Variants in IL6R observed in about 807,000 individuals in gnomAD.
IL6R encodes interleukin 6 receptor.
IL6R carries 38 observed loss-of-function variants against 48.3 expected under a neutral mutation model. The ratio of observed to expected loss-of-function variants is 0.79; its 90% CI spans 0.61 to 1.03. The LOEUF (loss-of-function observed/expected upper bound fraction) is 1.03. Among genes scored for constraint, IL6R ranks in the 50% least tolerant of loss-of-function variants. The probability of loss-of-function intolerance (pLI) is 0.00; values close to 1 mark genes in which losing one functional copy is unlikely to be tolerated. For synonymous variants in IL6R, 264 were observed against 256.2 expected (o/e 1.03, Z -0.29); for missense variants, 534 against 618.3 (o/e 0.86, Z 1.45).
intron 1 of IL6R, among the ~76,000 whole-genome samples, chr1:154,420,767 C>T (rs1456434864): frequency 6.6e-6 from 1 of 151,924 alleles, no homozygotes; most frequent in African/African-American, 2.4e-5. Flanking sequence ...AACTCCTGAC[C>T]TCAAGTGATC....
intron 1 of IL6R, among the ~76,000 whole-genome samples, chr1:154,423,260 A>AATAAATATATATATATATATATATAT (rs1688782125): frequency 1.2e-5 from 1 of 85,474 alleles, no homozygotes; most frequent in Non-Finnish European, 2.6e-5. Flanking sequence ...TGTTTAATTA[A>AATAAATATATATATATATATATATAT]ATATATATAT....
chr1:154,413,576 C>T (rs766383356), intron 1 of IL6R, among the ~76,000 whole-genome samples: 1 of 152,194 alleles, frequency 6.6e-6, no homozygotes, highest in Non-Finnish European at 1.5e-5. Flanking sequence ...TCTACACAGA[C>T]AATGGCGTCT....
intron 1 of IL6R, among the ~76,000 whole-genome samples, chr1:154,406,919 A>G (rs1687757187): frequency 6.6e-6 from 1 of 152,208 alleles, no homozygotes. Context: ...CACTGTATCT[A>G]CATATAACTT....
rs746299332 is a variant in IL6R at position 154,454,558 on chromosome 1, C to G, written c.1137C>G (p.Leu379=). Reference sequence around the variant, plus strand: ...GAGGGAGCCTGGCCTTCGGAACGCTCCTCTGCATTGCCATTGTTCTGAGGT... The same window carrying G: ...GAGGGAGCCTGGCCTTCGGAACGCTGCTCTGCATTGCCATTGTTCTGAGGT... ...VAGGSLAFGT[L]LCIAIVLRFK... Residue 379 remains leucine (L), a synonymous_variant, in exon 9 of 10, where the codon CTC becomes CTG. Coordinates refer to ENST00000368485, the MANE Select transcript of IL6R (RefSeq NM_000565.4). 1 of 1,613,330 alleles carries G rather than the reference C, an allele frequency of 6.2e-7. No homozygotes were observed. The highest frequency in any genetic ancestry group is 8.5e-7 in the Non-Finnish European group (1 of 1,179,262).
intron 6 of IL6R, 41 bp from the exon 7 acceptor site, chr1:154,448,084 G>A (rs759054403): frequency 6.4e-7 from 1 of 1,556,086 alleles, no homozygotes; most frequent in South Asian, 1.1e-5. Flanking sequence ...GGACTCCAGG[G>A]CCCATGAATC....
At chr1:154,462,374 C>CTT (rs34351697) in intron 9 of IL6R, among the ~76,000 whole-genome samples, 2,586 of 137,134 alleles carry the variant, frequency 0.019, 67 homozygotes, top group African/African-American at 0.053. Context: ...AAATCTCAGA[C>CTT]TTTTTTTTTT....
intron 1 of IL6R, among the ~76,000 whole-genome samples, chr1:154,411,076 G>A (rs1481260049): frequency 1.3e-5 from 2 of 152,122 alleles, no homozygotes; most frequent in Non-Finnish European, 2.9e-5. Flanking sequence ...TTTCGTTTTT[G>A]TTTTGAGACA....
At chr1:154,460,989 CG>C (rs1192113619) in intron 9 of IL6R, among the ~76,000 whole-genome samples, 2 of 152,050 alleles carry the variant, frequency 1.3e-5, no homozygotes, top group Non-Finnish European at 2.9e-5. Flanking sequence ...GCATACAAGA[CG>C]AGGAGGCAGG....
At chr1:154,434,250 G>C (rs532929169) in intron 3 of IL6R, among the ~76,000 whole-genome samples, 1 of 152,188 alleles carries the variant, frequency 6.6e-6, no homozygotes, top group African/African-American at 2.4e-5. Flanking sequence ...GGCGGAGGTT[G>C]CAGTGAGCCG....
In IL6R at chr1:154,405,617, C is replaced by A. The variant is rs1057499061; in HGVS notation, c.-13C>A. On this transcript the variant is annotated 5_prime_UTR_variant, in exon 1 of 10. Coordinates refer to ENST00000368485, the MANE Select transcript of IL6R (RefSeq NM_000565.4). This position sits in a 1 kb window ranked among gnomAD's most constrained non-coding sequence, Gnocchi z 5.2. ...CCTCTGCGGGACCATGGAGTGGTAG[C>A]CGAGGAGGAAGCATGCTGGCCGTCG... 2.0e-6 allele frequency: 3 copies of A among 1,489,212 alleles called. No individual in the cohort carries two copies. The highest frequency in any genetic ancestry group is 2.4e-5 in the South Asian group (2 of 83,458). The allele number at this position is 1,489,212 out of a possible 1,614,324, so 92.2% of individuals were successfully genotyped here.
At chr1:154,458,567 C>T (rs529410198) in intron 9 of IL6R, among the ~76,000 whole-genome samples, 11 of 151,992 alleles carry the variant, frequency 7.2e-5, no homozygotes, top group South Asian at 2.1e-4. Context: ...ATACATTTGA[C>T]GGGAGGAAAC....
intron 1 of IL6R, 29 bp from the exon 2 acceptor site, chr1:154,429,167 G>C: frequency 6.3e-7 from 1 of 1,595,214 alleles, no homozygotes; most frequent in Non-Finnish European, 8.6e-7. Context: ...GTGGCTGTGG[G>C]CTCACCAAGT....
At position 154,434,598 on chromosome 1, in the gene IL6R, G is replaced by C. The variant is rs1428444792; in HGVS notation, c.538G>C (p.Val180Leu). 1 of 1,614,136 alleles carries C rather than the reference G, an allele frequency of 6.2e-7. No homozygotes were observed. Among genetic ancestry groups the C allele is most frequent in the Admixed American group, 1.7e-5 (1 of 60,022 alleles). Reference sequence around the variant, plus strand: ...CCAGAAGTTCTCCTGCCAGTTAGCAGTCCCGGAGGGAGACAGCTCTTTCTA... The same window carrying C: ...CCAGAAGTTCTCCTGCCAGTTAGCACTCCCGGAGGGAGACAGCTCTTTCTA... ...ESQKFSCQLAVPEGDSSFYIV... is the reference protein window; with the variant it reads ...ESQKFSCQLALPEGDSSFYIV... Residue 180 changes from valine to leucine, a missense_variant, in exon 4 of 10, where the codon GTC becomes CTC. By Grantham distance (32) the Val-to-Leu change is conservative. Coordinates refer to ENST00000368485, the MANE Select transcript of IL6R (RefSeq NM_000565.4).
At chr1:154,429,555 AG>A in intron 2 of IL6R, 111 bp downstream of exon 2, 1 of 1,347,222 alleles carries the variant, frequency 7.4e-7, no homozygotes, top group Non-Finnish European at 1.0e-6. Context: ...CCTTGGCGCA[AG>A]AATTTTGGGG....
intron 6 of IL6R, 25 bp downstream of exon 6, chr1:154,436,135 G>A: frequency 1.3e-6 from 2 of 1,575,250 alleles, no homozygotes; most frequent in Non-Finnish European, 8.7e-7. Context: ...ACTGAGAAAG[G>A]AAGGGATGTT....
At chr1:154,429,685 A>G (rs1048790718) in intron 2 of IL6R, among the ~76,000 whole-genome samples, 2 of 151,910 alleles carry the variant, frequency 1.3e-5, no homozygotes, top group African/African-American at 4.8e-5. Flanking sequence ...TGAACTGGTG[A>G]ATAGCCTGGG....
At chr1:154,459,089 C>G (rs1451288425) in intron 9 of IL6R, among the ~76,000 whole-genome samples, 1 of 152,156 alleles carries the variant, frequency 6.6e-6, no homozygotes, top group Non-Finnish European at 1.5e-5. Flanking sequence ...CCCATGGTCC[C>G]CACCTGCTAT....
intron 6 of IL6R, among the ~76,000 whole-genome samples, chr1:154,439,145 T>C (rs1156318585): frequency 6.6e-6 from 1 of 152,076 alleles, no homozygotes; most frequent in Non-Finnish European, 1.5e-5. Context: ...GAATAGGAAT[T>C]CCAAATATAG....
chr1:154,454,394 G>T, intron 8 of IL6R, 94 bp from the exon 9 acceptor site: 1 of 813,328 alleles, frequency 1.2e-6, no homozygotes, highest in South Asian at 1.5e-5. Flanking sequence ...TGAGGCTTTT[G>T]ACAGCACCAG....
Sources: gnomAD v4.1 joint callset for allele counts (sites outside exome capture counted in the v4.1 genomes callset) on GRCh38, gnomAD v4.1.1 for gene constraint, Gnocchi (gnomAD v3.1) non-coding constraint, MANE v1.5 for transcripts, NCBI Gene and HGNC (gene_info 2026-07-23, HGNC 2026-07-21) for gene names.